Variants in LRSAM1 observed in about 807,000 individuals in gnomAD.
LRSAM1 encodes the protein E3 ubiquitin-protein ligase LRSAM1.
A neutral mutation model predicts 118.1 loss-of-function variants in LRSAM1; 96 were observed. That is an observed-to-expected ratio of 0.81 (90% CI 0.69 to 0.96). The LOEUF is 0.96. Among genes scored for constraint, LRSAM1 ranks in the 40% least tolerant of loss-of-function variants. The pLI is 0.00. For missense variants in LRSAM1, 804 were observed against 915.5 expected (o/e 0.88, Z 1.57); for synonymous variants, 322 against 364.2 (o/e 0.88, Z 1.32).
intron 19 of LRSAM1, among the ~76,000 whole-genome samples, chr9:127,490,959 T>C (rs577293265): frequency 2.3e-4 from 35 of 152,192 alleles, no homozygotes; most frequent in Admixed American, 6.5e-5. Context: ...GGAGAGATCC[T>C]GTGCTGGCCT....
chr9:127,461,203 C>T lies in LRSAM1; in HGVS notation c.352C>T (p.Gln118Ter), dbSNP rs2132010730. The change falls in exon 8 of 26, where the codon CAG becomes TAG. Residue 118 changes from glutamine (Q) to a stop codon, truncating the protein, a stop_gained. Transcript: ENST00000300417. LOFTEE classifies it high-confidence loss of function. ...AAACGTGGAAAGGAATCAACTGATG[C>T]AGCTCCCACGTTCCATTGGGAACCT... ...VLNVERNQLMQLPRSIGNLTQ... is the reference protein window; with the variant it reads ...VLNVERNQLM 1 of 1,611,834 alleles carries T rather than the reference C, an allele frequency of 6.2e-7. No homozygotes were observed. Among genetic ancestry groups the T allele is most frequent in the Non-Finnish European group, 8.5e-7 (1 of 1,178,400 alleles).
At chr9:127,496,315 G>T (rs190555589) in intron 23 of LRSAM1, among the ~76,000 whole-genome samples, 1 of 152,216 alleles carries the variant, frequency 6.6e-6, no homozygotes, top group Non-Finnish European at 1.5e-5. Context: ...GGGGAGGTGG[G>T]TCCTGCTGAC....
In LRSAM1 at chr9:127,454,611, T is replaced by G; in HGVS notation, c.72+12T>G. On this transcript the variant is annotated intron_variant, in intron 3 of 25. Transcript: ENST00000300417. ...ACCAGATGTGTTTGGTGAGGGAAAG[T>G]GGGTTTCCTCTAACTCTATCCCATC... The G allele has an allele frequency of 6.2e-7, 1 of 1,613,046 alleles. No individual in the cohort carries two copies. Among genetic ancestry groups the G allele is most frequent in the Non-Finnish European group, 8.5e-7 (1 of 1,179,488 alleles).
intron 20 of LRSAM1, 142 bp downstream of exon 20, chr9:127,491,437 CTG>C: frequency 1.4e-6 from 1 of 714,836 alleles, no homozygotes; most frequent in Non-Finnish European, 2.5e-6. Flanking sequence ...TCCTCTGTGG[CTG>C]TGACACCAGA....
chr9:127,452,574 C>G (rs559808130), intron 2 of LRSAM1, among the ~76,000 whole-genome samples: 1 of 152,176 alleles, frequency 6.6e-6, no homozygotes, highest in Non-Finnish European at 1.5e-5. Context: ...ATGTGGGTTG[C>G]TTTGTGGCTA....
intron 2 of LRSAM1, among the ~76,000 whole-genome samples, chr9:127,452,636 A>G (rs1174942240): frequency 6.6e-6 from 1 of 152,196 alleles, no homozygotes; most frequent in Non-Finnish European, 1.5e-5. Flanking sequence ...CTTGACATAC[A>G]TGAAGTCGCT....
intron 17 of LRSAM1, 170 bp from the exon 18 acceptor site, chr9:127,487,506 C>T: frequency 1.6e-6 from 1 of 626,182 alleles, no homozygotes; most frequent in Non-Finnish European, 2.9e-6. Context: ...CCATGGGATT[C>T]AGACAGACTC....
Position 127,501,046 on chromosome 9 carries a change from C to T in LRSAM1, c.1949C>T (p.Thr650Met), listed in dbSNP as rs773505699. 63 of 1,613,980 alleles carry T rather than the reference C, an allele frequency of 3.9e-5. No homozygotes were observed. The highest frequency in any genetic ancestry group is 1.7e-4 in the Admixed American group (10 of 60,018). Residue 650 changes from threonine to methionine, a missense_variant, in exon 25 of 26, where the codon ACG becomes ATG. Transcript: ENST00000300417. ...CCAATGGGTGAGGTCGTCACCCCTA[C>T]GGCCCCCCAGGAGCCTCCTGAGTCT... ...KPPMGEVVTP[T>M]APQEPPESVR...
At chr9:127,485,662 C>T (rs953783436) in intron 16 of LRSAM1, 74 bp from the exon 17 acceptor site, 8 of 1,405,366 alleles carry the variant, frequency 5.7e-6, no homozygotes, top group Middle Eastern at 1.8e-4. Flanking sequence ...CTGTGGAAAT[C>T]CCTGCTGCCT....
intron 9 of LRSAM1, among the ~76,000 whole-genome samples, chr9:127,464,733 T>C (rs1350183940): frequency 6.6e-6 from 1 of 151,740 alleles, no homozygotes; most frequent in Non-Finnish European, 1.5e-5. Flanking sequence ...AGCCTCAAAC[T>C]CCTGGGCTCA....
chr9:127,480,076 C>T, intron 14 of LRSAM1, 98 bp downstream of exon 14: 1 of 1,526,464 alleles, frequency 6.6e-7, no homozygotes. Context: ...GCCTCTGCCC[C>T]TGCCCCGGGC....
intron 20 of LRSAM1, among the ~76,000 whole-genome samples, 189 bp downstream of exon 20, chr9:127,491,484 C>T (rs1211612111): frequency 6.6e-6 from 1 of 152,188 alleles, no homozygotes; most frequent in Non-Finnish European, 1.5e-5. Flanking sequence ...CCAGCGCAGG[C>T]CAAGGTTAGA....
intron 6 of LRSAM1, among the ~76,000 whole-genome samples, chr9:127,458,556 G>A (rs1409579092): frequency 1.3e-5 from 2 of 152,014 alleles, no homozygotes; most frequent in Non-Finnish European, 2.9e-5. Context: ...CTCCAGCCTG[G>A]GTGACAGAGT....
intron 14 of LRSAM1, 92 bp from the exon 15 acceptor site, chr9:127,481,091 C>A: frequency 7.1e-7 from 1 of 1,412,728 alleles, no homozygotes; most frequent in Non-Finnish European, 1.0e-6. Flanking sequence ...TGCCCCCAGC[C>A]CATTTCCTAA....
Position 127,457,257 on chromosome 9 carries a change from A to G in LRSAM1, c.175-59A>G. ...GCGCTGGGCTGGCTCCCACGCCCTT[A>G]GCCTGCCCTGCCTGCTGCTCTTCCT... On this transcript the variant is annotated intron_variant, in intron 5 of 25. Coordinates refer to ENST00000300417, the MANE Select transcript of LRSAM1 (RefSeq NM_001005373.4). 5.6e-6 allele frequency: 9 copies of G among 1,603,366 alleles called. No individual in the cohort carries two copies. In the South Asian group the frequency reaches 9.9e-5, roughly 18 times the overall value.
chr9:127,454,558 A>T lies in LRSAM1; in HGVS notation c.31A>T (p.Ser11Cys). The T allele has an allele frequency of 6.2e-7, 1 of 1,614,190 alleles. No homozygotes were observed. Among genetic ancestry groups the T allele is most frequent in the Non-Finnish European group, 8.5e-7 (1 of 1,180,032 alleles). The change falls in exon 3 of 26, where the codon AGT becomes TGT. Residue 11 changes from serine to cysteine, a missense_variant. Coordinates refer to ENST00000300417, the MANE Select transcript of LRSAM1 (RefSeq NM_001005373.4). ...GCTCTTCTTCCGGAAGCGGAAACCC[A>T]GTGAGGAGGCTCGGAAACGCCTGGA... MPLFFRKRKP[S>C]EEARKRLEYQ...
intron 11 of LRSAM1, among the ~76,000 whole-genome samples, chr9:127,476,961 G>A (rs1328052600): frequency 2.6e-5 from 4 of 152,196 alleles, no homozygotes; most frequent in African/African-American, 7.2e-5. Flanking sequence ...ACAGGCATGA[G>A]CCACCGCGCC....
chr9:127,491,593 T>C (rs1588132954), intron 20 of LRSAM1, among the ~76,000 whole-genome samples: 2 of 152,162 alleles, frequency 1.3e-5, no homozygotes, highest in African/African-American at 4.8e-5. Flanking sequence ...CTGTGCTGGG[T>C]GCGGGCCCGC....
intron 22 of LRSAM1, 67 bp from the exon 23 acceptor site, chr9:127,495,897 A>G: frequency 6.3e-7 from 1 of 1,592,288 alleles, no homozygotes; most frequent in Non-Finnish European, 8.5e-7. Flanking sequence ...CAAACCCTTC[A>G]TTTCCTGTTG....
Sources: gnomAD v4.1 joint callset for allele counts (sites outside exome capture counted in the v4.1 genomes callset) on GRCh38, gnomAD v4.1.1 for gene constraint, MANE v1.5 for transcripts, NCBI Gene and HGNC (gene_info 2026-07-23, HGNC 2026-07-21) for gene names.